The following GRIK1 variants were observed in gnomAD, a reference collection of about 807,000 sequenced individuals.
GRIK1 encodes the protein glutamate ionotropic receptor kainate type subunit 1.
In GRIK1, 69 loss-of-function variants were observed where a neutral mutation model predicts 105.7. That is an observed-to-expected ratio of 0.65 (90% confidence interval 0.54 to 0.80). GRIK1 has a LOEUF of 0.80. Ranked by LOEUF, GRIK1 falls within the 30% of genes least tolerant of loss-of-function variation. The probability of loss-of-function intolerance (pLI) is 0.00; values close to 1 mark genes in which losing one functional copy is unlikely to be tolerated. For missense variants in GRIK1, 1,109 were observed against 1,167.3 expected (o/e 0.95, Z 0.73); for synonymous variants, 438 against 431.3 (o/e 1.02, Z -0.19).
chr21:29,726,153 T>C (rs541997963), intron 1 of GRIK1, among the ~76,000 whole-genome samples: 1 of 152,322 alleles, frequency 6.6e-6, no homozygotes, highest in African/African-American at 2.4e-5. Context: ...CAATTAGGAC[T>C]GAATGAGATT....
chr21:29,738,795 T>G (rs1217890555), intron 1 of GRIK1, among the ~76,000 whole-genome samples: 2 of 152,240 alleles, frequency 1.3e-5, no homozygotes, highest in African/African-American at 2.4e-5. Context: ...TATTCTTTAT[T>G]TTGCTTCTTT....
At chr21:29,710,783 C>G in intron 1 of GRIK1, among the ~76,000 whole-genome samples, 1 of 44,064 alleles carries the variant, frequency 2.3e-5, no homozygotes, top group Non-Finnish European at 4.9e-5. Context: ...CTCCCTCCCT[C>G]CCTCCCTCCT....
Position 29,774,974 on chromosome 21 carries a change from C to T in GRIK1, c.119-80911G>A, listed in dbSNP as rs947059417. Among the ~76,000 whole-genome samples the T allele has an allele frequency of 4.4e-4, 67 of 152,142 alleles. 1 individual carries two copies. The highest frequency in any genetic ancestry group is 4.1e-4 in the South Asian group (2 of 4,826). ...GAATTAAGTAGCTGGTCCTGCTCCT[C>T]ATATACTATCCTGGGGTTAGTTGAT... On this transcript the variant is annotated intron_variant, in intron 1 of 17. Transcript: ENST00000327783.
chr21:29,837,541 G>C (rs61580672), intron 1 of GRIK1, among the ~76,000 whole-genome samples: 1 of 152,086 alleles, frequency 6.6e-6, no homozygotes, highest in African/African-American at 2.4e-5. Context: ...ACCACCAATG[G>C]GGGGGAATGA....
intron 14 of GRIK1, among the ~76,000 whole-genome samples, chr21:29,565,764 T>C (rs1440015797): frequency 6.6e-6 from 1 of 152,212 alleles, no homozygotes; most frequent in Non-Finnish European, 1.5e-5. Context: ...ACTAGGCAAC[T>C]GCAAGGAGTA....
At chr21:29,920,335 C>A (rs999433861) in intron 1 of GRIK1, among the ~76,000 whole-genome samples, 10 of 152,080 alleles carry the variant, frequency 6.6e-5, no homozygotes, top group Non-Finnish European at 1.2e-4. Context: ...TAATAAAGAG[C>A]TAAATTGTCA....
At chr21:29,787,784 C>A (rs776318292) in intron 1 of GRIK1, among the ~76,000 whole-genome samples, 1 of 152,190 alleles carries the variant, frequency 6.6e-6, no homozygotes, top group Non-Finnish European at 1.5e-5. Flanking sequence ...ACGCCAGGAA[C>A]ATTTATCAAT....
intron 13 of GRIK1, among the ~76,000 whole-genome samples, chr21:29,580,566 G>T (rs1455005555): frequency 2.0e-5 from 3 of 152,054 alleles, no homozygotes; most frequent in Non-Finnish European, 2.9e-5. Context: ...AAACCTTAGG[G>T]TTCACCCCCA....
At chr21:29,800,758 G>T (rs969042189) in intron 1 of GRIK1, among the ~76,000 whole-genome samples, 1 of 152,174 alleles carries the variant, frequency 6.6e-6, no homozygotes, top group African/African-American at 2.4e-5. Context: ...ATACCACAAA[G>T]ATACTTTGTA....
chr21:29,745,708 C>A (rs1035727468), intron 1 of GRIK1, among the ~76,000 whole-genome samples: 3 of 152,090 alleles, frequency 2.0e-5, no homozygotes, highest in African/African-American at 7.2e-5. Context: ...TTTGTGCGTC[C>A]TTGACAGTTA....
chr21:29,783,451 C>T (rs879653930), intron 1 of GRIK1, among the ~76,000 whole-genome samples: 4 of 152,000 alleles, frequency 2.6e-5, no homozygotes, highest in Non-Finnish European at 4.4e-5. Flanking sequence ...TTGATGTAAT[C>T]GACAGGTTAG....
chr21:29,819,664 C>T (rs2067245381), intron 1 of GRIK1, among the ~76,000 whole-genome samples: 2 of 151,906 alleles, frequency 1.3e-5, no homozygotes, highest in Admixed American at 1.3e-4. Flanking sequence ...TCTATAAGGT[C>T]ATCATAATTC....
At chr21:29,761,387 T>C (rs549215175) in intron 1 of GRIK1, 9 of 152,326 alleles carry the variant, frequency 5.9e-5, no homozygotes, top group African/African-American at 2.2e-4. Flanking sequence ...TTCCAGAAAG[T>C]GAATGCAGCA....
At chr21:29,631,569 C>T (rs1438430125) in intron 7 of GRIK1, among the ~76,000 whole-genome samples, 1 of 152,124 alleles carries the variant, frequency 6.6e-6, no homozygotes, top group Non-Finnish European at 1.5e-5. Context: ...TTTGTTATAG[C>T]AGCCCAAGCT....
intron 1 of GRIK1, among the ~76,000 whole-genome samples, chr21:29,807,624 C>G (rs1939815006): frequency 6.6e-6 from 1 of 151,936 alleles, no homozygotes; most frequent in Admixed American, 6.6e-5. Flanking sequence ...TTTTTAAAAT[C>G]TATAATTATA....
chr21:29,551,668 A>G (rs1453184060), intron 16 of GRIK1, among the ~76,000 whole-genome samples: 1 of 152,166 alleles, frequency 6.6e-6, no homozygotes, highest in Non-Finnish European at 1.5e-5. Context: ...TCTTTATCCA[A>G]ATCTCTGAAT....
intron 1 of GRIK1, chr21:29,761,418 A>T (rs1288197168): frequency 6.6e-6 from 1 of 152,222 alleles, no homozygotes; most frequent in Non-Finnish European, 1.5e-5. Flanking sequence ...GCTCTCTTTG[A>T]GGTACTGAAA....
chr21:29,620,809 AT>A (rs2061979191), intron 7 of GRIK1, among the ~76,000 whole-genome samples: 2 of 86,388 alleles, frequency 2.3e-5, no homozygotes, highest in Admixed American at 2.3e-4. Context: ...ATATATAGAT[AT>A]ATATATATAG....
intron 1 of GRIK1, among the ~76,000 whole-genome samples, chr21:29,921,774 T>G (rs1011368597): frequency 6.6e-6 from 1 of 152,182 alleles, no homozygotes; most frequent in African/African-American, 2.4e-5. Context: ...TAACGTACGC[T>G]AAAACTTGAC....
Sources: gnomAD v4.1 joint callset for allele counts (sites outside exome capture counted in the v4.1 genomes callset) on GRCh38, gnomAD v4.1.1 for gene constraint, MANE v1.5 for transcripts, NCBI Gene and HGNC (gene_info 2026-07-23, HGNC 2026-07-21) for gene names.